Variants in CCDC102B observed in about 807,000 individuals in gnomAD.
CCDC102B encodes the protein coiled-coil domain containing 102B.
Under a neutral mutation model 57.4 loss-of-function variants are expected in CCDC102B, and 75 were observed. That is an observed-to-expected ratio of 1.31 (90% CI 1.08 to 1.58). The LOEUF is 1.58. CCDC102B is among the 40% of genes most tolerant of loss of function. The probability of loss-of-function intolerance (pLI) is 0.00; values close to 1 mark genes in which losing one functional copy is unlikely to be tolerated. For missense variants in CCDC102B, 636 were observed against 582.6 expected, an observed-to-expected ratio of 1.09 and a Z score of -0.94; for synonymous variants, 206 against 201.9, an observed-to-expected ratio of 1.02 and a Z score of -0.17.
Position 69,042,564 on chromosome 18 carries a change from T to A in CCDC102B, c.1435-11466T>A, listed in dbSNP as rs996701133. Among the ~76,000 whole-genome samples, 30 of 152,182 alleles carry A rather than the reference T, an allele frequency of 2.0e-4. No individual in the cohort carries two copies. In the Middle Eastern group the frequency reaches 0.01, roughly 52 times the overall value. On this transcript the variant is annotated intron_variant, in intron 7 of 7. Transcript: ENST00000360242. Reference sequence around the variant, plus strand: ...TGGTGATCTTTAAAAAGAAATTATATTATCTTAATACTCAGCACCCTGTAC... The same window carrying A: ...TGGTGATCTTTAAAAAGAAATTATAATATCTTAATACTCAGCACCCTGTAC...
rs181361495 is a variant in CCDC102B, at chr18:68,765,562, G to A, written c.-67+48968G>A. On this transcript the variant is annotated intron_variant, in intron 2 of 3. Coordinates refer to the CCDC102B transcript ENST00000578970. ...ATAAGTGGAAGCCAAAGGGACTATA[G>A]TAATTTTTAAATTTACATAATCTAT... 1.2e-4 allele frequency among the ~76,000 whole-genome samples: 19 copies of A among 152,174 alleles called. No homozygotes were observed. In the East Asian group the frequency reaches 3.5e-3, roughly 28 times the overall value.
chr18:68,995,757 A>G (rs145105687), intron 6 of CCDC102B, among the ~76,000 whole-genome samples: 137 of 152,272 alleles, frequency 9.0e-4, no homozygotes, highest in African/African-American at 3.1e-3. Flanking sequence ...CCCCACACAG[A>G]GTCCCGACTG....
intron 6 of CCDC102B, among the ~76,000 whole-genome samples, chr18:68,961,227 A>G (rs1333221043): frequency 2.0e-5 from 3 of 152,070 alleles, no homozygotes; most frequent in African/African-American, 2.4e-5. Flanking sequence ...CATAGAGGCA[A>G]TTTGATTCCC....
chr18:69,035,187 G>A (rs2052256173), intron 7 of CCDC102B, among the ~76,000 whole-genome samples: 1 of 151,882 alleles, frequency 6.6e-6, no homozygotes, highest in Non-Finnish European at 1.5e-5. Context: ...AGATCTCAAA[G>A]TTCAATAAAT....
chr18:69,003,174 C>T (rs767461464), intron 6 of CCDC102B, among the ~76,000 whole-genome samples: 2 of 151,856 alleles, frequency 1.3e-5, no homozygotes, highest in Non-Finnish European at 2.9e-5. Flanking sequence ...TAGCAGTTGT[C>T]AAATAACAAG....
At chr18:68,960,287 A>T (rs1422228582) in intron 6 of CCDC102B, among the ~76,000 whole-genome samples, 3 of 152,168 alleles carry the variant, frequency 2.0e-5, no homozygotes, top group Non-Finnish European at 4.4e-5. Flanking sequence ...AGAAATTATG[A>T]ATCCTCACCA....
intron 4 of CCDC102B, among the ~76,000 whole-genome samples, chr18:68,857,480 A>C (rs1355557762): frequency 6.9e-6 from 1 of 144,458 alleles, no homozygotes; most frequent in Non-Finnish European, 1.5e-5. Flanking sequence ...AAATTATTGT[A>C]GACTTTATTT....
chr18:69,034,760 T>C (rs1475047117), intron 7 of CCDC102B, among the ~76,000 whole-genome samples: 3 of 151,616 alleles, frequency 2.0e-5, no homozygotes, highest in Non-Finnish European at 4.4e-5. Flanking sequence ...TGCATGTGTA[T>C]ATATATACAC....
intron 2 of CCDC102B, among the ~76,000 whole-genome samples, chr18:68,741,708 CACA>C (rs774884657): frequency 5.2e-5 from 6 of 115,856 alleles, no homozygotes; most frequent in African/African-American, 2.0e-4. Flanking sequence ...CACACACACA[CACA>C]CACCCCAAGA....
intron 2 of CCDC102B, among the ~76,000 whole-genome samples, chr18:68,750,136 C>T (rs1470656810): frequency 6.6e-6 from 1 of 152,154 alleles, no homozygotes; most frequent in Non-Finnish European, 1.5e-5. Context: ...TGAACAGACA[C>T]TTCTCAAAAG....
At chr18:68,769,091 T>G (rs2034555067) in intron 2 of CCDC102B, among the ~76,000 whole-genome samples, 1 of 151,854 alleles carries the variant, frequency 6.6e-6, no homozygotes, top group Non-Finnish European at 1.5e-5. Context: ...CCATCTCTAC[T>G]AAAAACACAA....
At chr18:68,778,348 T>C (rs1786522250) in intron 2 of CCDC102B, among the ~76,000 whole-genome samples, 1 of 152,164 alleles carries the variant, frequency 6.6e-6, no homozygotes, top group Admixed American at 6.5e-5. Context: ...TCATATTTGA[T>C]TTCTACCATT....
At chr18:68,769,379 C>G (rs139668724) in intron 2 of CCDC102B, among the ~76,000 whole-genome samples, 1 of 152,026 alleles carries the variant, frequency 6.6e-6, no homozygotes, top group African/African-American at 2.4e-5. Context: ...CTCATCTAAC[C>G]CTTATTACCT....
intron 4 of CCDC102B, among the ~76,000 whole-genome samples, chr18:68,854,666 T>C (rs560198429): frequency 3.3e-4 from 51 of 152,262 alleles, no homozygotes; most frequent in African/African-American, 1.2e-3. Context: ...GAAACCATCT[T>C]TTTTAAATTT....
intron 2 of CCDC102B, among the ~76,000 whole-genome samples, chr18:68,730,836 A>C (rs1370390162): frequency 6.6e-6 from 1 of 152,194 alleles, no homozygotes; most frequent in South Asian, 2.1e-4. Flanking sequence ...CGCATCCTGT[A>C]TCAATATAAG....
intron 1 of CCDC102B, among the ~76,000 whole-genome samples, chr18:68,819,588 C>T (rs2144734367): frequency 6.6e-6 from 1 of 151,938 alleles, no homozygotes; most frequent in South Asian, 2.1e-4. Context: ...GTGTTAGTAT[C>T]AACTTATCAA....
At chr18:69,049,252 C>T (rs2052643663) in intron 7 of CCDC102B, among the ~76,000 whole-genome samples, 1 of 152,042 alleles carries the variant, frequency 6.6e-6, no homozygotes, top group African/African-American at 2.4e-5. Flanking sequence ...CATGTGTTCT[C>T]ATTGTTCAAC....
downstream of CCDC102B, chr18:69,055,209 G>A: frequency 1.9e-5 from 17 of 909,454 alleles, no homozygotes; most frequent in Non-Finnish European, 2.2e-5. Flanking sequence ...AAAAGCCTTT[G>A]TCATTCACTG....
At chr18:68,880,039 A>AG (rs1381711359) in intron 5 of CCDC102B, among the ~76,000 whole-genome samples, 2 of 151,994 alleles carry the variant, frequency 1.3e-5, no homozygotes, top group African/African-American at 4.8e-5. Context: ...GGCGCTGTGG[A>AG]GCAGGGGGCG....
Sources: gnomAD v4.1 joint callset for allele counts (sites outside exome capture counted in the v4.1 genomes callset) on GRCh38, gnomAD v4.1.1 for gene constraint, MANE v1.5 for transcripts, NCBI Gene and HGNC (gene_info 2026-07-23, HGNC 2026-07-21) for gene names.